ALKAL1: variants seen among roughly 807,000 people sequenced by gnomAD.
ALKAL1 encodes ALK and LTK ligand 1.
Under a neutral mutation model 13.5 loss-of-function variants are expected in ALKAL1, and 23 were observed. The ratio of observed to expected loss-of-function variants is 1.70; its 90% CI spans 1.23 to 2.41. The LOEUF is 2.41. ALKAL1 is among the 30% of genes most tolerant of loss of function. The pLI is 0.00. For missense variants in ALKAL1, 181 were observed against 178.4 expected, an observed-to-expected ratio of 1.01 and a Z score of -0.08; for synonymous variants, 85 against 77.7, an observed-to-expected ratio of 1.09 and a Z score of -0.49.
intron 1 of ALKAL1, among the ~76,000 whole-genome samples, chr8:52,563,701 G>A (rs931829938): frequency 3.3e-5 from 5 of 152,168 alleles, no homozygotes; most frequent in South Asian, 2.1e-4. Flanking sequence ...GCCGTGCTGC[G>A]GACACTGACC....
chr8:52,558,717 A>G (rs1032293467), intron 1 of ALKAL1, among the ~76,000 whole-genome samples: 2 of 152,206 alleles, frequency 1.3e-5, no homozygotes, highest in African/African-American at 2.4e-5. Context: ...ACATGCAAAT[A>G]AATGCCTAAT....
chr8:52,562,449 A>C (rs1159974629), intron 1 of ALKAL1, among the ~76,000 whole-genome samples: 1 of 152,172 alleles, frequency 6.6e-6, no homozygotes, highest in Non-Finnish European at 1.5e-5. Context: ...AGGCACGAAC[A>C]AATGGGCTGT....
intron 1 of ALKAL1, among the ~76,000 whole-genome samples, chr8:52,548,675 T>C (rs1165396323): frequency 6.6e-6 from 1 of 151,514 alleles, no homozygotes; most frequent in Non-Finnish European, 1.5e-5. Context: ...TACAATTATA[T>C]AAAAGATTAC....
intron 1 of ALKAL1, among the ~76,000 whole-genome samples, chr8:52,554,928 T>C (rs941661939): frequency 1.3e-5 from 2 of 152,012 alleles, no homozygotes; most frequent in Non-Finnish European, 2.9e-5. Flanking sequence ...TCCCAGCACT[T>C]TGGGAGGCTG....
Position 52,565,052 on chromosome 8 carries a change from A to G in ALKAL1, c.190+15T>C, listed in dbSNP as rs779969246. The G allele has an allele frequency of 1.2e-5, 16 of 1,376,460 alleles. No individual in the cohort carries two copies. The East Asian group carries it at 4.3e-4, about 37-fold the overall frequency. The allele number at this position is 1,376,460 out of a possible 1,614,324, so 85.3% of individuals were successfully genotyped here. ...GGCGCAGGGCAAAGGATGGGGCGGG[A>G]TGGGGACATCGTACCTGCGCTCCGG... On this transcript the variant is annotated intron_variant, in intron 1 of 4. Transcript: ENST00000358543.
At chr8:52,562,852 C>A (rs569438077) in intron 1 of ALKAL1, among the ~76,000 whole-genome samples, 1 of 152,094 alleles carries the variant, frequency 6.6e-6, no homozygotes, top group Non-Finnish European at 1.5e-5. Context: ...AACGATAACC[C>A]CTGCCACCTG....
intron 3 of ALKAL1, 60 bp downstream of exon 3, chr8:52,539,771 A>T: frequency 7.8e-7 from 1 of 1,282,678 alleles, no homozygotes; most frequent in Non-Finnish European, 1.1e-6. Flanking sequence ...TTGAAGTTTA[A>T]AATTAAACGC....
intron 1 of ALKAL1, among the ~76,000 whole-genome samples, chr8:52,562,436 T>C (rs1847560080): frequency 6.6e-6 from 1 of 152,124 alleles, no homozygotes; most frequent in South Asian, 2.1e-4. Context: ...AGAGGACGGA[T>C]ACAGGCACGA....
At chr8:52,538,983 G>T (rs1037988570) in intron 3 of ALKAL1, among the ~76,000 whole-genome samples, 37 of 152,024 alleles carry the variant, frequency 2.4e-4, no homozygotes, top group Admixed American at 2.4e-3. Context: ...GTAGAGACAG[G>T]GTTTCACCAT....
At chr8:52,542,331 A>G in intron 2 of ALKAL1, 61 bp downstream of exon 2, 1 of 1,101,034 alleles carries the variant, frequency 9.1e-7, no homozygotes, top group Non-Finnish European at 1.3e-6. Flanking sequence ...TGCCTGACAT[A>G]GTATTCTGCA....
At chr8:52,538,902 TTTATTTAC>T (rs1847287762) in intron 3 of ALKAL1, among the ~76,000 whole-genome samples, 1 of 151,888 alleles carries the variant, frequency 6.6e-6, no homozygotes, top group African/African-American at 2.4e-5. Context: ...TTTTAATTTA[TTTATTTAC>T]TTATTTATTT....
chr8:52,548,526 G>T (rs904376187), intron 1 of ALKAL1, among the ~76,000 whole-genome samples: 5 of 152,060 alleles, frequency 3.3e-5, no homozygotes, highest in African/African-American at 1.2e-4. Flanking sequence ...ACAAAGAAAT[G>T]ATAATTGTTT....
chr8:52,537,039 A>C (rs1014601175), intron 4 of ALKAL1, among the ~76,000 whole-genome samples: 3 of 152,246 alleles, frequency 2.0e-5, no homozygotes, highest in African/African-American at 7.2e-5. Context: ...CAGAGTGAAG[A>C]GACAACATGT....
chr8:52,536,714 T>A (rs1383453910), intron 4 of ALKAL1, among the ~76,000 whole-genome samples: 1 of 152,200 alleles, frequency 6.6e-6, no homozygotes, highest in African/African-American at 2.4e-5. Context: ...TTTGGACAGT[T>A]AAAAAATAGA....
chr8:52,542,143 CGTTCTTGGTA>C (rs890177844), intron 2 of ALKAL1, among the ~76,000 whole-genome samples: 4 of 152,150 alleles, frequency 2.6e-5, no homozygotes, highest in African/African-American at 9.7e-5. Flanking sequence ...TACTACAAGC[CGTTCTTGGTA>C]GTTCTTGGCC....
chr8:52,544,981 T>C (rs1224589374), intron 1 of ALKAL1, among the ~76,000 whole-genome samples: 1 of 152,148 alleles, frequency 6.6e-6, no homozygotes, highest in African/African-American at 2.4e-5. Flanking sequence ...AATGGTGTGA[T>C]CACAGCTCAC....
intron 2 of ALKAL1, 49 bp downstream of exon 2, chr8:52,542,343 A>G: frequency 8.1e-7 from 1 of 1,227,478 alleles, no homozygotes; most frequent in Non-Finnish European, 1.2e-6. Context: ...TATTCTGCAC[A>G]CAGTCTTTTT....
At chr8:52,541,339 T>C (rs1847310334) in intron 2 of ALKAL1, among the ~76,000 whole-genome samples, 2 of 152,132 alleles carry the variant, frequency 1.3e-5, no homozygotes, top group Non-Finnish European at 2.9e-5. Flanking sequence ...CTGAGTGTGA[T>C]GGCACAGCAG....
At chr8:52,538,363 A>G (rs1347798458) in intron 4 of ALKAL1, 68 bp downstream of exon 4, 2 of 940,928 alleles carry the variant, frequency 2.1e-6, no homozygotes, top group Non-Finnish European at 3.3e-6. Context: ...ACTAAAAAGA[A>G]AAGGAAAAAA....
Sources: allele counts gnomAD v4.1 joint callset (sites outside exome capture counted in the v4.1 genomes callset), GRCh38; gene constraint gnomAD v4.1.1; transcripts MANE v1.5; gene names NCBI Gene and HGNC (gene_info 2026-07-23, HGNC 2026-07-21).